The following PAK5 variants were observed in gnomAD, a reference collection of about 807,000 sequenced individuals.
PAK5 encodes the protein serine/threonine-protein kinase PAK 5.
Under a neutral mutation model 65.9 loss-of-function variants are expected in PAK5, and 16 were observed. That is an observed-to-expected ratio of 0.24 (90% confidence interval 0.16 to 0.37). The LOEUF is 0.37. PAK5 is among the 10% of genes least tolerant of loss of function. PAK5 has a pLI of 1.00. For synonymous variants in PAK5, 371 were observed against 354.9 expected (o/e 1.05, Z -0.51); for missense variants, 785 against 903.9 (o/e 0.87, Z 1.69).
chr20:9,723,844 C>T (rs969795730), intron 1 of PAK5, among the ~76,000 whole-genome samples: 20 of 152,152 alleles, frequency 1.3e-4, no homozygotes, highest in Non-Finnish European at 2.8e-4. Flanking sequence ...CATGAGCAAG[C>T]CCAGTCTAGA....
At chr20:9,630,338 G>T (rs2046905628) in intron 3 of PAK5, among the ~76,000 whole-genome samples, 1 of 152,086 alleles carries the variant, frequency 6.6e-6, no homozygotes, top group Non-Finnish European at 1.5e-5. Flanking sequence ...TACACGAAGG[G>T]GTCTTTTAAG....
intron 1 of PAK5, among the ~76,000 whole-genome samples, chr20:9,750,214 A>G (rs1386131637): frequency 6.6e-6 from 1 of 152,090 alleles, no homozygotes. Context: ...CCTAACACGT[A>G]CAAGCAGTAT....
At chr20:9,791,214 A>G (rs949628862) in intron 1 of PAK5, among the ~76,000 whole-genome samples, 3 of 152,166 alleles carry the variant, frequency 2.0e-5, no homozygotes, top group Non-Finnish European at 4.4e-5. Context: ...AGCCCTGGGC[A>G]TACACTCCAA....
intron 2 of PAK5, among the ~76,000 whole-genome samples, chr20:9,703,831 G>A (rs2047971385): frequency 6.6e-6 from 1 of 151,728 alleles, no homozygotes; most frequent in Non-Finnish European, 1.5e-5. Flanking sequence ...ATTTCCCCCT[G>A]GAGAGGGCTG....
At position 9,539,331 on chromosome 20, in the gene PAK5, G is replaced by A. The variant is rs759100074; in HGVS notation, c.*131C>T. ...ATGCCCTGGTCTGTTGAACCCTGCC[G>A]GTCATCACGCTGTCCCACCAATTGG... On this transcript the variant is annotated 3_prime_UTR_variant, in exon 10 of 10. Coordinates refer to ENST00000353224, the MANE Select transcript of PAK5 (RefSeq NM_177990.4). 516 of 816,888 alleles carry A rather than the reference G, an allele frequency of 6.3e-4. 1 individual carries two copies. The highest frequency in any genetic ancestry group is 9.4e-4 in the Non-Finnish European group (467 of 498,726). 50.6% of individuals were successfully genotyped at this position (816,888 alleles called of 1,614,324 possible).
intron 1 of PAK5, among the ~76,000 whole-genome samples, chr20:9,741,107 C>A (rs1319137208): frequency 6.6e-6 from 1 of 152,128 alleles, no homozygotes; most frequent in African/African-American, 2.4e-5. Flanking sequence ...ATCTGCTGGA[C>A]AATTATAATT....
At chr20:9,780,106 A>G (rs2048926683) in intron 1 of PAK5, among the ~76,000 whole-genome samples, 1 of 152,110 alleles carries the variant, frequency 6.6e-6, no homozygotes, top group African/African-American at 2.4e-5. Context: ...AGGACCAAAA[A>G]TAACTTTTCT....
intron 2 of PAK5, among the ~76,000 whole-genome samples, chr20:9,683,986 A>C (rs1215540530): frequency 6.6e-6 from 1 of 152,184 alleles, no homozygotes. Context: ...AGTTGAATAG[A>C]TAGTTCTCTG....
chr20:9,679,025 T>C (rs942459510), intron 2 of PAK5, among the ~76,000 whole-genome samples: 2 of 152,160 alleles, frequency 1.3e-5, no homozygotes, highest in Non-Finnish European at 2.9e-5. Context: ...CAGATTTTCT[T>C]CCACCTCTGC....
At chr20:9,825,555 C>T (rs1019167664) in intron 1 of PAK5, among the ~76,000 whole-genome samples, 3 of 152,168 alleles carry the variant, frequency 2.0e-5, no homozygotes, top group African/African-American at 7.2e-5. Context: ...AGCTTAAGAC[C>T]ATATGATTTC....
chr20:9,573,442 C>A (rs1324264909), intron 4 of PAK5, among the ~76,000 whole-genome samples: 1 of 152,168 alleles, frequency 6.6e-6, no homozygotes, highest in African/African-American at 2.4e-5. Flanking sequence ...GGGCATAAAA[C>A]TCCACACAGC....
intron 2 of PAK5, among the ~76,000 whole-genome samples, chr20:9,665,915 G>C (rs1015166763): frequency 4.6e-5 from 7 of 152,104 alleles, no homozygotes; most frequent in Non-Finnish European, 1.0e-4. Flanking sequence ...GGATGGCAGA[G>C]CCTTTCAGTT....
chr20:9,816,871 T>C (rs2049363788), intron 1 of PAK5, among the ~76,000 whole-genome samples: 1 of 152,204 alleles, frequency 6.6e-6, no homozygotes, highest in South Asian at 2.1e-4. Flanking sequence ...TAACCATTAC[T>C]ATGCAGATGA....
chr20:9,765,975 G>A (rs1482032441), intron 1 of PAK5, among the ~76,000 whole-genome samples: 1 of 152,150 alleles, frequency 6.6e-6, no homozygotes, highest in East Asian at 1.9e-4. Flanking sequence ...TGTAATCCCA[G>A]CACTTTGGGA....
intron 1 of PAK5, among the ~76,000 whole-genome samples, chr20:9,716,143 TA>T (rs1177960285): frequency 0.15 from 3,945 of 25,860 alleles, 109 homozygotes; most frequent in African/African-American, 0.28. Flanking sequence ...TAGAGTATAA[TA>T]AAAAAAAAAA....
chr20:9,716,855 A>C (rs1282504425), intron 1 of PAK5, among the ~76,000 whole-genome samples: 2 of 152,086 alleles, frequency 1.3e-5, no homozygotes, highest in African/African-American at 4.8e-5. Flanking sequence ...GGCAGAGGCA[A>C]GCTGATCACT....
intron 2 of PAK5, among the ~76,000 whole-genome samples, chr20:9,691,471 A>T (rs528216598): frequency 2.0e-5 from 3 of 152,208 alleles, no homozygotes; most frequent in Admixed American, 1.3e-4. Context: ...TTCAACCACC[A>T]TCCAGTCTGT....
intron 3 of PAK5, among the ~76,000 whole-genome samples, chr20:9,588,925 T>C (rs922687746): frequency 6.6e-5 from 10 of 152,316 alleles, no homozygotes; most frequent in Non-Finnish European, 1.2e-4. Flanking sequence ...CATGGGCTGT[T>C]GGCTGGTGAT....
chr20:9,729,145 G>A (rs988319578), intron 1 of PAK5, among the ~76,000 whole-genome samples: 1 of 151,954 alleles, frequency 6.6e-6, no homozygotes, highest in Non-Finnish European at 1.5e-5. Context: ...TGAGGCAGGA[G>A]AATGGTGTGA....
Sources: allele counts gnomAD v4.1 joint callset (sites outside exome capture counted in the v4.1 genomes callset), GRCh38; gene constraint gnomAD v4.1.1; transcripts MANE v1.5; gene names NCBI Gene and HGNC (gene_info 2026-07-23, HGNC 2026-07-21).